Variants in ATE1 observed in about 807,000 individuals in gnomAD.
ATE1 encodes arginyltransferase 1, also known as arginyl-tRNA--protein transferase 1.
In ATE1, 36 loss-of-function variants were observed where a neutral mutation model predicts 70.5. The ratio of observed to expected loss-of-function variants is 0.51; its 90% CI spans 0.39 to 0.67. ATE1 has a LOEUF of 0.67. Among genes scored for constraint, ATE1 ranks in the 30% least tolerant of loss-of-function variants. ATE1 has a pLI of 0.00. For synonymous variants in ATE1, 232 were observed against 219.3 expected, an observed-to-expected ratio of 1.06 and a Z score of -0.51; for missense variants, 593 against 629.5, an observed-to-expected ratio of 0.94 and a Z score of 0.62.
chr10:121,900,669 G>A (rs1325032590), intron 6 of ATE1, among the ~76,000 whole-genome samples: 1 of 152,200 alleles, frequency 6.6e-6, no homozygotes, highest in African/African-American at 2.4e-5. Flanking sequence ...ACAGTCAAAT[G>A]CAATGCAATG....
At chr10:121,924,494 T>A (rs926062916) in intron 1 of ATE1, among the ~76,000 whole-genome samples, 165 bp from the exon 2 acceptor site, 29 of 150,330 alleles carry the variant, frequency 1.9e-4, no homozygotes, top group Non-Finnish European at 3.4e-4. Context: ...AGGTCAGGAG[T>A]TCAAGACCAG....
At chr10:121,811,076 T>C (rs558126757) in intron 10 of ATE1, among the ~76,000 whole-genome samples, 1 of 152,340 alleles carries the variant, frequency 6.6e-6, no homozygotes, top group South Asian at 2.1e-4. Flanking sequence ...AAAACTGGAA[T>C]ACAAACAGTA....
chr10:121,814,599 G>T (rs1241102692), intron 10 of ATE1, among the ~76,000 whole-genome samples: 3 of 152,122 alleles, frequency 2.0e-5, no homozygotes, highest in African/African-American at 7.2e-5. Flanking sequence ...TGTGAAGTAT[G>T]AAAAAATTCT....
intron 11 of ATE1, among the ~76,000 whole-genome samples, chr10:121,776,832 A>G (rs1210963944): frequency 6.6e-6 from 1 of 152,262 alleles, no homozygotes; most frequent in Admixed American, 6.5e-5. Context: ...TTTGGAAAAC[A>G]CTATTCTACG....
chr10:121,743,610 AGGTACTGAATATGTATCCT>A lies in ATE1; in HGVS notation c.*51_*69del, dbSNP rs1299085169. 3.4e-5 allele frequency: 49 copies of A among 1,459,286 alleles called. No individual in the cohort carries two copies. Among genetic ancestry groups the A allele is most frequent in the Non-Finnish European group, 4.3e-5 (48 of 1,108,314 alleles). The allele number at this position is 1,459,286 out of a possible 1,614,324, so 90.4% of individuals were successfully genotyped here. A position where few individuals can be genotyped will look rare whatever the true frequency, so the allele number is the denominator to read the frequency against. Reference sequence around the variant, plus strand: ...TGGGTGGTGACAGTTATTTCCCCACAGGTACTGAATATGTATCCTGGCACAAATCATCAGCACAACACAG... The same window carrying A: ...TGGGTGGTGACAGTTATTTCCCCACAGGCACAAATCATCAGCACAACACAG... On this transcript the variant is annotated 3_prime_UTR_variant, in exon 12 of 12. Transcript: ENST00000224652.
chr10:121,823,045 C>T (rs958044390), intron 10 of ATE1, among the ~76,000 whole-genome samples: 2 of 152,104 alleles, frequency 1.3e-5, no homozygotes, highest in African/African-American at 4.8e-5. Flanking sequence ...AATCCCAGCA[C>T]TTTGGGAGGC....
intron 8 of ATE1, among the ~76,000 whole-genome samples, chr10:121,863,252 CTTTTTTT>C (rs1162295975): frequency 7.9e-6 from 1 of 127,354 alleles, no homozygotes; most frequent in Non-Finnish European, 1.6e-5. Flanking sequence ...CTGAAGTCTA[CTTTTTTT>C]TTTTTTTTTT....
chr10:121,895,700 C>A (rs1170036081), intron 7 of ATE1, among the ~76,000 whole-genome samples: 1 of 151,340 alleles, frequency 6.6e-6, no homozygotes, highest in African/African-American at 2.4e-5. Context: ...GTAATCCCAG[C>A]ACTTTAGGAT....
intron 11 of ATE1, among the ~76,000 whole-genome samples, chr10:121,771,468 A>C (rs185087677): frequency 2.0e-5 from 3 of 152,324 alleles, no homozygotes; most frequent in Non-Finnish European, 4.4e-5. Flanking sequence ...GGGAGTACTT[A>C]TCTAGGAAGA....
At chr10:121,795,789 G>A (rs1449099893) in intron 10 of ATE1, among the ~76,000 whole-genome samples, 1 of 152,158 alleles carries the variant, frequency 6.6e-6, no homozygotes, top group Non-Finnish European at 1.5e-5. Context: ...TCAATTCAAA[G>A]TCACCATCAC....
chr10:121,833,350 T>C (rs1389136533), intron 10 of ATE1, among the ~76,000 whole-genome samples: 2 of 152,064 alleles, frequency 1.3e-5, no homozygotes, highest in Non-Finnish European at 2.9e-5. Flanking sequence ...ACTCGTCAGC[T>C]CTCTGCATTA....
intron 11 of ATE1, among the ~76,000 whole-genome samples, 169 bp downstream of exon 11, chr10:121,790,000 G>T (rs1057470581): frequency 2.7e-5 from 4 of 148,560 alleles, no homozygotes; most frequent in Non-Finnish European, 1.5e-5. Flanking sequence ...GCGTGAGTTT[G>T]TGTGCATGTG....
At chr10:121,825,735 G>A (rs1176043999) in intron 10 of ATE1, among the ~76,000 whole-genome samples, 1 of 152,284 alleles carries the variant, frequency 6.6e-6, no homozygotes, top group Non-Finnish European at 1.5e-5. Context: ...TTGCTGGCAG[G>A]ATGTGAAATG....
chr10:121,896,391 T>C (rs1055097958), intron 7 of ATE1, among the ~76,000 whole-genome samples: 2 of 152,216 alleles, frequency 1.3e-5, no homozygotes, highest in African/African-American at 4.8e-5. Flanking sequence ...TATGGAGAGA[T>C]AGATTAAACA....
chr10:121,891,448 G>A (rs1422563534), intron 7 of ATE1, among the ~76,000 whole-genome samples: 1 of 152,148 alleles, frequency 6.6e-6, no homozygotes, highest in Non-Finnish European at 1.5e-5. Context: ...TGCAGGTACA[G>A]CTGCCTGCAT....
chr10:121,811,893 T>C (rs1340815525), intron 10 of ATE1, among the ~76,000 whole-genome samples: 1 of 151,214 alleles, frequency 6.6e-6, no homozygotes, highest in East Asian at 1.9e-4. Context: ...TACTGGAATA[T>C]AAGACCTTGA....
intron 3 of ATE1, among the ~76,000 whole-genome samples, chr10:121,921,661 A>ATCGGCTT (rs1221760008): frequency 6.6e-6 from 1 of 152,128 alleles, no homozygotes; most frequent in Non-Finnish European, 1.5e-5. Flanking sequence ...AAGCCCAGGC[A>ATCGGCTT]AACCTAGATA....
chr10:121,921,069 AT>A (rs1021678964), intron 3 of ATE1, among the ~76,000 whole-genome samples: 15 of 150,804 alleles, frequency 9.9e-5, no homozygotes, highest in Admixed American at 2.7e-4. Context: ...CTTCCAATTA[AT>A]TTTTTTTTCA....
intron 10 of ATE1, among the ~76,000 whole-genome samples, chr10:121,792,452 G>T (rs1482389503): frequency 6.6e-6 from 1 of 152,198 alleles, no homozygotes; most frequent in Admixed American, 6.5e-5. Context: ...CTTTCCTGGA[G>T]TGCTCACTGC....
Sources: gnomAD v4.1 joint callset for allele counts (sites outside exome capture counted in the v4.1 genomes callset) on GRCh38, gnomAD v4.1.1 for gene constraint, MANE v1.5 for transcripts, NCBI Gene and HGNC (gene_info 2026-07-23, HGNC 2026-07-21) for gene names.